The following OR4N2 variants were observed in gnomAD, a reference collection of about 807,000 sequenced individuals.
OR4N2 encodes the protein olfactory receptor family 4 subfamily N member 2.
For synonymous variants in OR4N2, 141 were observed against 140.4 expected (o/e 1.00, Z -0.03); for missense variants, 307 against 377.6 (o/e 0.81, Z 1.55).
chr14:19,828,341 T>G lies in OR4N2; in HGVS notation c.893T>G (p.Met298Arg). The G allele has an allele frequency of 6.2e-7, 1 of 1,611,298 alleles. No homozygotes were observed. Among genetic ancestry groups the G allele is most frequent in the South Asian group, 1.1e-5 (1 of 90,938 alleles). The stretch of plus-strand genomic sequence containing the variant: ...CGCAACCAGGAAGTGAAAGCTTCCA[T>G]GAAAAAGGTGTTTAATAAGCACATA... ...TLRNQEVKAS[M>R]KKVFNKHIA Residue 298 changes from methionine (M) to arginine (R), a missense_variant, in exon 2 of 2, where the codon ATG becomes AGG. Transcript: ENST00000557677.
At chr14:19,825,901 A>G (rs533895746) in intron 1 of OR4N2, among the ~76,000 whole-genome samples, 12 of 152,336 alleles carry the variant, frequency 7.9e-5, no homozygotes, top group Admixed American at 2.6e-4. Context: ...TAGTTAAATC[A>G]TATTAAGAAT....
intron 1 of OR4N2, among the ~76,000 whole-genome samples, chr14:19,807,517 C>T (rs1879194495): frequency 6.6e-6 from 1 of 152,040 alleles, no homozygotes; most frequent in Admixed American, 6.6e-5. Flanking sequence ...CACAATCTCC[C>T]AAGATTGAAT....
Position 19,828,076 on chromosome 14 carries a change from TG to T in OR4N2, c.629del (p.Cys210SerfsTer68), listed in dbSNP as rs745634471. 6.2e-6 allele frequency: 10 copies of T among 1,614,264 alleles called. No homozygotes were observed. In the Admixed American group the frequency reaches 8.3e-5, roughly 13 times the overall value. The part of the protein sequence containing the change: ...VFNSGLMTLL[C>X]FLGLLASYAV... ...CAACAGTGGCCTGATGACACTCCTG[TG>T]CTTTCTGGGGCTTCTGGCCTCCTAT... On this transcript the variant is annotated frameshift_variant, in exon 2 of 2. Coordinates refer to ENST00000557677, the MANE Select transcript of OR4N2 (RefSeq NM_001004723.3). LOFTEE classifies it low-confidence loss of function (END_TRUNC).
chr14:19,820,380 G>C (rs1235392864), intron 1 of OR4N2, among the ~76,000 whole-genome samples: 1 of 152,246 alleles, frequency 6.6e-6, no homozygotes, highest in Non-Finnish European at 1.5e-5. Context: ...TAATGTCAGA[G>C]GGTCGATTTT....
chr14:19,811,028 A>G (rs181543855), intron 1 of OR4N2, among the ~76,000 whole-genome samples: 4 of 152,386 alleles, frequency 2.6e-5, no homozygotes, highest in Non-Finnish European at 4.4e-5. Flanking sequence ...TTCCAGGTTC[A>G]TATGGCTCAA....
rs140197912 is a variant in OR4N2, at chr14:19,821,248, G to A, written c.-9-6192G>A. ...CCCACCCTGCTTTGGCTTACCCTCC[G>A]TGGGCTGCACCCACTGTCTAACCAG... On this transcript the variant is annotated intron_variant, in intron 1 of 1. Coordinates refer to ENST00000557677, the MANE Select transcript of OR4N2 (RefSeq NM_001004723.3). Among the ~76,000 whole-genome samples the A allele has an allele frequency of 4.1e-3, 624 of 152,210 alleles. 2 individuals are homozygous for A. The highest frequency in any genetic ancestry group is 0.013 in the African/African-American group (545 of 41,466).
chr14:19,816,413 T>A (rs1437320964), intron 1 of OR4N2, among the ~76,000 whole-genome samples: 1 of 152,242 alleles, frequency 6.6e-6, no homozygotes, highest in Non-Finnish European at 1.5e-5. Context: ...AGGTCCTTCA[T>A]ATCCCTTGTT....
intron 1 of OR4N2, among the ~76,000 whole-genome samples, chr14:19,808,578 A>C (rs545554582): frequency 1.3e-5 from 2 of 152,352 alleles, no homozygotes; most frequent in Admixed American, 1.3e-4. Context: ...CAGAGATGAC[A>C]GAAATGAATG....
At chr14:19,824,690 G>A (rs1288298611) in intron 1 of OR4N2, among the ~76,000 whole-genome samples, 7 of 152,288 alleles carry the variant, frequency 4.6e-5, no homozygotes, top group Admixed American at 1.3e-4. Context: ...AGACAACAAC[G>A]ATATGAACTT....
chr14:19,815,566 G>A (rs1483856091), intron 1 of OR4N2, among the ~76,000 whole-genome samples: 1 of 151,690 alleles, frequency 6.6e-6, no homozygotes, highest in Non-Finnish European at 1.5e-5. Flanking sequence ...GTAGATGCTG[G>A]ATATTAGCCC....
intron 1 of OR4N2, among the ~76,000 whole-genome samples, chr14:19,804,889 A>G (rs1457274402): frequency 2.0e-5 from 3 of 152,184 alleles, no homozygotes; most frequent in Admixed American, 6.5e-5. Flanking sequence ...TGTTGGATGT[A>G]TATATTCTTA....
intron 1 of OR4N2, among the ~76,000 whole-genome samples, chr14:19,824,947 C>T: frequency 6.6e-6 from 1 of 152,206 alleles, no homozygotes; most frequent in Middle Eastern, 3.2e-3. Context: ...GGGGTCTGCC[C>T]CCTTAACTCC....
chr14:19,821,445 CAT>C (rs368040089), intron 1 of OR4N2, among the ~76,000 whole-genome samples: 6 of 151,358 alleles, frequency 4.0e-5, no homozygotes, highest in South Asian at 2.1e-4. Flanking sequence ...TGAGTCTAGT[CAT>C]ATATATATAT....
rs183294956 is a variant in OR4N2, at chr14:19,822,664, C to T, written c.-9-4776C>T. ...CCCAGGGGTTACTCAAAGACATTGA[C>T]AAAAGATCTAGCAGCATTCTGTCCA... On this transcript the variant is annotated intron_variant, in intron 1 of 1. Transcript: ENST00000557677. Among the ~76,000 whole-genome samples, 258 of 152,344 alleles carry T rather than the reference C, an allele frequency of 1.7e-3. 1 individual carries two copies. Among genetic ancestry groups the T allele is most frequent in the Middle Eastern group, 6.8e-3 (2 of 294 alleles).
chr14:19,818,290 C>T lies in OR4N2; in HGVS notation c.-9-9150C>T, dbSNP rs370291510. On this transcript the variant is annotated intron_variant, in intron 1 of 1. Coordinates refer to ENST00000557677, the MANE Select transcript of OR4N2 (RefSeq NM_001004723.3). Reference sequence around the variant, plus strand: ...AATATTGACAGTGGGGTGTTAAAATCTCCCACTATTATTGTGTGGGAATGT... The same window carrying T: ...AATATTGACAGTGGGGTGTTAAAATTTCCCACTATTATTGTGTGGGAATGT... Among the ~76,000 whole-genome samples the T allele has an allele frequency of 2.0e-5, 3 of 152,216 alleles. No individual in the cohort carries two copies. The East Asian group carries it at 5.8e-4, about 29-fold the overall frequency.
intron 1 of OR4N2, among the ~76,000 whole-genome samples, chr14:19,815,312 T>G (rs1325122323): frequency 6.6e-6 from 1 of 152,264 alleles, no homozygotes. Context: ...TTCCTATTTC[T>G]CCACATCCTC....
chr14:19,810,287 G>T (rs1484008646), intron 1 of OR4N2, among the ~76,000 whole-genome samples: 1 of 152,172 alleles, frequency 6.6e-6, no homozygotes, highest in Admixed American at 6.5e-5. Context: ...AAACCACAAC[G>T]AGATACCAAC....
intron 1 of OR4N2, among the ~76,000 whole-genome samples, chr14:19,809,576 G>T (rs1212338906): frequency 6.6e-6 from 1 of 152,182 alleles, no homozygotes; most frequent in Non-Finnish European, 1.5e-5. Context: ...AAAGCTGGAG[G>T]CATCACATTA....
intron 1 of OR4N2, among the ~76,000 whole-genome samples, chr14:19,821,164 C>T (rs1879555893): frequency 6.6e-6 from 1 of 152,276 alleles, no homozygotes; most frequent in South Asian, 2.1e-4. Context: ...TCTCTCACGG[C>T]TTCCCTTGGC....
Sources: allele counts gnomAD v4.1 joint callset (sites outside exome capture counted in the v4.1 genomes callset), GRCh38; gene constraint gnomAD v4.1.1; transcripts MANE v1.5; gene names NCBI Gene and HGNC (gene_info 2026-07-23, HGNC 2026-07-21).